PEG3: variants seen among roughly 807,000 people sequenced by gnomAD.
PEG3 encodes the protein paternally expressed 3.
Under a neutral mutation model 35.5 loss-of-function variants are expected in PEG3, and 23 were observed. The observed-to-expected ratio is 0.65, with a 90% CI of 0.47 to 0.92. PEG3 has a LOEUF of 0.92. Ranked by LOEUF, PEG3 falls within the 40% of genes least tolerant of loss-of-function variation. The pLI is 0.00. For missense variants in PEG3, 1,960 were observed against 1,985.3 expected, an observed-to-expected ratio of 0.99 and a Z score of 0.24; for synonymous variants, 707 against 697.0, an observed-to-expected ratio of 1.01 and a Z score of -0.23.
rs746178283 is a variant in PEG3, at chr19:56,814,814, T to G, written c.3628A>C (p.Arg1210=). 1 of 1,614,172 alleles carries G rather than the reference T, an allele frequency of 6.2e-7. No individual in the cohort carries two copies. Among genetic ancestry groups the G allele is most frequent in the Admixed American group, 1.7e-5 (1 of 60,028 alleles). Residue 1210 remains arginine (R), a synonymous_variant, in exon 10 of 10, where the codon AGG becomes CGG. Transcript: ENST00000326441. This position sits in a 1 kb window ranked among gnomAD's most constrained non-coding sequence, Gnocchi z 5.8. ...GGATTCCTCTCTGCAGCACGATTCC[T>G]CCGTGGCTTCATGGGCAAGAGGGCA... is the stretch of plus-strand genomic sequence containing the variant. ...FIALLPMKPR[R]NRAAERNPAL...
intron 2 of PEG3, chr19:56,833,180 C>A (rs762491743): frequency 1.9e-6 from 1 of 517,156 alleles, no homozygotes; most frequent in Admixed American, 1.9e-5. Context: ...CACATCCCAT[C>A]TGATGCAGGA....
At position 56,810,596 on chromosome 19, in the gene PEG3, C is replaced by T. The variant is rs1047954169; in HGVS notation, c.*3079G>A. Reference sequence around the variant, plus strand: ...TTATATTTGTAATGGAAAATACATACATAAAATTTATTACCAAAACACCAA... The same window carrying T: ...TTATATTTGTAATGGAAAATACATATATAAAATTTATTACCAAAACACCAA... On this transcript the variant is annotated 3_prime_UTR_variant, in exon 10 of 10. Transcript: ENST00000326441. The T allele has an allele frequency of 6.5e-6, 6 of 929,564 alleles. No individual in the cohort carries two copies. The African/African-American group carries it at 8.9e-5, about 14-fold the overall frequency. The allele number at this position is 929,564 out of a possible 1,614,324, so 57.6% of individuals were successfully genotyped here.
In PEG3 at chr19:56,813,041, G is replaced by A. The variant is rs2059646285; in HGVS notation, c.*634C>T. ...TCAAACAGTAAGGAGTAAAAGCCAT[G>A]TTATCTATCATGCCTACAGCTTCAC... On this transcript the variant is annotated 3_prime_UTR_variant, in exon 10 of 10. Transcript: ENST00000326441. 1.0e-5 allele frequency: 10 copies of A among 985,170 alleles called. No homozygotes were observed. Among genetic ancestry groups the A allele is most frequent in the Non-Finnish European group, 1.1e-5 (9 of 829,556 alleles). The allele number at this position is 985,170 out of a possible 1,614,324, so 61.0% of individuals were successfully genotyped here.
At chr19:56,839,181 CCT>C (rs751593424) in intron 1 of PEG3, among the ~76,000 whole-genome samples, 2 of 151,490 alleles carry the variant, frequency 1.3e-5, no homozygotes, top group South Asian at 2.1e-4. Flanking sequence ...CCAATGCCAC[CCT>C]GTCACTTCAG....
chr19:56,836,969 C>CAAAAAAAAA (rs573566620), intron 1 of PEG3, among the ~76,000 whole-genome samples: 5 of 116,990 alleles, frequency 4.3e-5, no homozygotes, highest in East Asian at 2.9e-4. Context: ...GACTCTGTCT[C>CAAAAAAAAA]AAAAAAAAAA....
At chr19:56,839,155 GAACA>G (rs2062620096) in intron 1 of PEG3, among the ~76,000 whole-genome samples, 1 of 151,700 alleles carries the variant, frequency 6.6e-6, no homozygotes, top group African/African-American at 2.4e-5. Flanking sequence ...GGTGGGGCTT[GAACA>G]AACCACTAGG....
Position 56,831,282 on chromosome 19 carries a change from C to T in PEG3, c.-163+4736G>A, listed in dbSNP as rs189034998. The stretch of plus-strand genomic sequence containing the variant: ...TCAACTGTGTAAAAGTCTATAGACA[C>T]ATGGGGACTTAATTTATAATAAAGG... On this transcript the variant is annotated intron_variant, in intron 2 of 9. Coordinates refer to ENST00000326441, the MANE Select transcript of PEG3 (RefSeq NM_006210.3). 2.6e-5 allele frequency among the ~76,000 whole-genome samples: 4 copies of T among 152,228 alleles called. No homozygotes were observed. The East Asian group carries it at 5.8e-4, about 22-fold the overall frequency.
rs3143 is a variant in PEG3, at chr19:56,812,239, G to A, written c.*1436C>T. Reference sequence around the variant, plus strand: ...AGGAGCACAGGTAGTCCACAGAATAGGACACAAGAAACCTCAAGCTGTGAG... The same window carrying A: ...AGGAGCACAGGTAGTCCACAGAATAAGACACAAGAAACCTCAAGCTGTGAG... On this transcript the variant is annotated 3_prime_UTR_variant, in exon 10 of 10. Coordinates refer to ENST00000326441, the MANE Select transcript of PEG3 (RefSeq NM_006210.3). The A allele has an allele frequency of 0.53, 517,440 of 976,710 alleles. 138,307 individuals carry two copies. The highest frequency in any genetic ancestry group is 0.62 in the South Asian group (13,130 of 21,114). The allele number at this position is 976,710 out of a possible 1,614,324, so 60.5% of individuals were successfully genotyped here. A position where few individuals can be genotyped will look rare whatever the true frequency, so the allele number is the denominator to read the frequency against.
chr19:56,835,008 C>CCT (rs1418589296), intron 2 of PEG3, among the ~76,000 whole-genome samples: 1 of 152,138 alleles, frequency 6.6e-6, no homozygotes, highest in Non-Finnish European at 1.5e-5. Flanking sequence ...ACTCACTGTG[C>CCT]CTCCTCTGAA....
chr19:56,827,523 CAT>C (rs989136081), intron 2 of PEG3, among the ~76,000 whole-genome samples: 4 of 152,100 alleles, frequency 2.6e-5, no homozygotes, highest in Admixed American at 1.3e-4. Context: ...AGCCGGGCAA[CAT>C]ATGTTTGTAT....
intron 7 of PEG3, among the ~76,000 whole-genome samples, chr19:56,819,484 T>G (rs1043986660): frequency 3.9e-5 from 6 of 152,216 alleles, no homozygotes; most frequent in African/African-American, 1.4e-4. Flanking sequence ...AGAACTGGTT[T>G]CAGGGAGTCA....
chr19:56,831,984 G>T (rs2061609857), intron 2 of PEG3, among the ~76,000 whole-genome samples: 1 of 152,140 alleles, frequency 6.6e-6, no homozygotes, highest in Admixed American at 6.5e-5. Context: ...ATGATCTCAT[G>T]TATGTAAAAA....
chr19:56,821,603 C>T (rs768142243), intron 7 of PEG3, 48 bp downstream of exon 7: 1 of 1,604,976 alleles, frequency 6.2e-7, no homozygotes, highest in Non-Finnish European at 8.5e-7. Flanking sequence ...GCGTCTCTGC[C>T]ATGAAATGAA....
At position 56,814,579 on chromosome 19, in the gene PEG3, CCA is replaced by C. The variant is rs2059802257; in HGVS notation, c.3861_3862del (p.Cys1287TrpfsTer18). The C allele has an allele frequency of 6.2e-7, 1 of 1,613,802 alleles. No individual in the cohort carries two copies. Among genetic ancestry groups the C allele is most frequent in the Admixed American group, 1.7e-5 (1 of 59,994 alleles). ...TTCTGCTGGGTTGACGAAAGATTCT[CCA>C]CAGACTGCACATTCAAAGAGTCTCT... On this transcript the variant is annotated frameshift_variant, in exon 10 of 10. Transcript: ENST00000326441. LOFTEE classifies it low-confidence loss of function (END_TRUNC). The surrounding 1 kb of genome is among the most constrained non-coding windows in gnomAD (Gnocchi z 5.8).
intron 1 of PEG3, among the ~76,000 whole-genome samples, 161 bp downstream of exon 1, chr19:56,840,421 G>A (rs1234674525): frequency 6.6e-6 from 1 of 152,296 alleles, no homozygotes; most frequent in African/African-American, 2.4e-5. Context: ...CTGGGCAGCG[G>A]GCGGCCAAGT....
rs931903950 is a variant in PEG3, at chr19:56,840,647, G to C, written c.-315C>G. On this transcript the variant is annotated 5_prime_UTR_variant, in exon 1 of 10. Transcript: ENST00000326441. ...CTAGCGCACCCTCATGGCGCCCGGC[G>C]CCCGGCGGCGCCACCAGCCCAGGGT... The C allele has an allele frequency of 1.3e-5, 2 of 152,870 alleles. No homozygotes were observed. The highest frequency in any genetic ancestry group is 2.9e-5 in the Non-Finnish European group (2 of 68,598). The allele number at this position is 152,870 out of a possible 1,614,324, so 9.5% of individuals were successfully genotyped here.
rs769399058 is a variant in PEG3, at chr19:56,824,383, A to C, written c.273T>G (p.Leu91=). The change falls in exon 4 of 10, where the codon CTT becomes CTG. Residue 91 remains leucine (L), a synonymous_variant. Transcript: ENST00000326441. ...CAGGGATGATGGTCAGGTACTGCTC[A>C]AGGACCAAGAGCTCGATGATCTCCT... ...TKEEIIELLV[L]EQYLTIIPEK... The C allele has an allele frequency of 6.2e-7, 1 of 1,614,094 alleles. No individual in the cohort carries two copies. The highest frequency in any genetic ancestry group is 1.1e-5 in the South Asian group (1 of 91,066).
chr19:56,838,917 A>G (rs1159341209), intron 1 of PEG3, among the ~76,000 whole-genome samples: 2 of 152,170 alleles, frequency 1.3e-5, no homozygotes, highest in African/African-American at 4.8e-5. Context: ...GATGGCACCC[A>G]GGTGGGCGGG....
In PEG3 at chr19:56,816,385, T is replaced by A. The variant is rs962584406; in HGVS notation, c.2057A>T (p.Asp686Val). 6.2e-7 allele frequency: 1 copy of A among 1,614,100 alleles called. No individual in the cohort carries two copies. Among genetic ancestry groups the A allele is most frequent in the African/African-American group, 1.3e-5 (1 of 75,048 alleles). Reference protein sequence around the residue: ...QKTYNKEKLCDFTDGRDAFMQ... With the variant: ...QKTYNKEKLCVFTDGRDAFMQ... The stretch of plus-strand genomic sequence containing the variant: ...GAAGGCATCCCGGCCATCTGTAAAG[T>A]CACAGAGCTTCTCCTTATTGTAAGT... The change falls in exon 10 of 10, where the codon GAC becomes GTC. Residue 686 changes from aspartate (D) to valine (V), a missense_variant. Asp to Val is a radical substitution (Grantham distance 152). Around this residue, in one of 5 missense-constraint regions of PEG3, gnomAD observed 798 missense variants for 782.4 expected, o/e 1.02. Transcript: ENST00000326441.
Sources: allele counts gnomAD v4.1 joint callset (sites outside exome capture counted in the v4.1 genomes callset), GRCh38; gene constraint gnomAD v4.1.1; regional missense constraint gnomAD v4.1.1; non-coding constraint Gnocchi (gnomAD v3.1); transcripts MANE v1.5; gene names NCBI Gene and HGNC (gene_info 2026-07-23, HGNC 2026-07-21).